Variants in ATP8B2 observed in about 807,000 individuals in gnomAD.
The protein encoded by ATP8B2 is phospholipid-transporting ATPase ID.
A neutral mutation model predicts 133.4 loss-of-function variants in ATP8B2; 70 were observed. The observed-to-expected ratio is 0.52, with a 90% CI of 0.43 to 0.64. The LOEUF (loss-of-function observed/expected upper bound fraction) is 0.64. ATP8B2 is among the 30% of genes least tolerant of loss of function. The pLI is 0.00. For synonymous variants in ATP8B2, 517 were observed against 589.5 expected (o/e 0.88, Z 1.78); for missense variants, 1,101 against 1,535.7 (o/e 0.72, Z 4.73).
At chr1:154,330,663 C>T (rs564127917) in intron 3 of ATP8B2, 152 bp from the exon 4 acceptor site, 8 of 757,382 alleles carry the variant, frequency 1.1e-5, no homozygotes, top group Non-Finnish European at 1.8e-5. Context: ...CCTTGAGACT[C>T]CCTTCTCTCC....
rs542234271 is a variant in ATP8B2, at chr1:154,346,086, G to A, written c.2779-145G>A. ...TTGGGTTGCTGAACTAAGTTAGTCT[G>A]GGGGTAGCTGGCTTGAGGTTGGTTC... On this transcript the variant is annotated intron_variant, in intron 24 of 27. Coordinates refer to ENST00000368489, the MANE Select transcript of ATP8B2 (RefSeq NM_001370597.1). The surrounding 1 kb of genome is among the most constrained non-coding windows in gnomAD (Gnocchi z 4.5). The A allele has an allele frequency of 1.6e-6, 2 of 1,251,274 alleles. No individual in the cohort carries two copies. The highest frequency in any genetic ancestry group is 2.3e-5 in the East Asian group (1 of 42,962). 77.5% of individuals were successfully genotyped at this position (1,251,274 alleles called of 1,614,324 possible).
At position 154,348,497 on chromosome 1, in the gene ATP8B2, C is replaced by T. The variant is rs1570874907; in HGVS notation, c.3253C>T (p.Arg1085Ter). 1.9e-6 allele frequency: 3 copies of T among 1,614,128 alleles called. No homozygotes were observed. Among genetic ancestry groups the T allele is most frequent in the African/African-American group, 1.3e-5 (1 of 75,054 alleles). The change falls in exon 27 of 28, where the codon CGA becomes TGA. Residue 1085 changes from arginine to a stop codon, truncating the protein, a stop_gained. Transcript: ENST00000368489. LOFTEE classifies it high-confidence loss of function. ...CTGCATCATGCCCGTGGTTGCCTTC[C>T]GATTCCTCAGGCTCAACCTGAAGCC... ...VVCIMPVVAFRFLRLNLKPDL... is the reference protein window; with the variant it reads ...VVCIMPVVAF
chr1:154,329,121 C>A (rs1200939771), intron 2 of ATP8B2: 1 of 1,219,518 alleles, frequency 8.2e-7, no homozygotes. Context: ...CCATTATTTC[C>A]CCCCTCCAAT....
Position 154,346,119 on chromosome 1 carries a change from C to T in ATP8B2, c.2779-112C>T. The T allele has an allele frequency of 6.7e-7, 1 of 1,487,140 alleles. No individual in the cohort carries two copies. The highest frequency in any genetic ancestry group is 9.1e-7 in the Non-Finnish European group (1 of 1,093,548). 92.1% of individuals were successfully genotyped at this position (1,487,140 alleles called of 1,614,324 possible). A position where few individuals can be genotyped will look rare whatever the true frequency, so the allele number is the denominator to read the frequency against. ...CTGGCTTGAGGTTGGTTCTAGCTGC[C>T]AAAGACTTTGGAAAGGAGGAGGCAG... On this transcript the variant is annotated intron_variant, in intron 24 of 27. Transcript: ENST00000368489. The surrounding 1 kb of genome is among the most constrained non-coding windows in gnomAD (Gnocchi z 4.5).
rs146738009 is a variant in ATP8B2 at position 154,344,759 on chromosome 1, G to T, written c.2260G>T (p.Ala754Ser). The change falls in exon 21 of 28, where the codon GCC becomes TCC. Residue 754 changes from alanine to serine, a missense_variant. By Grantham distance (99) the Ala-to-Ser change is moderately conservative. Coordinates refer to ENST00000368489, the MANE Select transcript of ATP8B2 (RefSeq NM_001370597.1). This position sits in a 1 kb window ranked among gnomAD's most constrained non-coding sequence, Gnocchi z 4.1. ...SVLEAVAGEY[A>S]LVINGHSLAH... Reference sequence around the variant, plus strand: ...CCTGGAGGCCGTTGCTGGGGAGTACGCCCTGGTCATAAATGGTCACAGCCT... The same window carrying T: ...CCTGGAGGCCGTTGCTGGGGAGTACTCCCTGGTCATAAATGGTCACAGCCT... 6 of 1,604,624 alleles carry T rather than the reference G, an allele frequency of 3.7e-6. No individual in the cohort carries two copies. In the East Asian group the frequency reaches 1.3e-4, roughly 36 times the overall value.
intron 11 of ATP8B2, 79 bp from the exon 12 acceptor site, chr1:154,337,269 G>T: frequency 2.0e-6 from 3 of 1,507,230 alleles, no homozygotes; most frequent in Non-Finnish European, 2.7e-6. Context: ...GGGCTCAAGG[G>T]ATGAATACAT....
intron 11 of ATP8B2, among the ~76,000 whole-genome samples, chr1:154,335,850 C>T (rs946638295): frequency 6.6e-6 from 1 of 151,878 alleles, no homozygotes; most frequent in South Asian, 2.1e-4. Flanking sequence ...CCATCCTGAC[C>T]AACATGGTGA....
In ATP8B2 at chr1:154,343,569, G is replaced by A. The variant is rs1343568941; in HGVS notation, c.1758+1G>A. On this transcript the variant is annotated splice_donor_variant, in intron 17 of 27. Transcript: ENST00000368489. LOFTEE classifies it high-confidence loss of function. The surrounding 1 kb of genome is among the most constrained non-coding windows in gnomAD (Gnocchi z 5.8). ...CAACACCACCATGGACCACCTTAAT[G>A]TGGGTGTGAGGAGAGGAGGGGCCAG... 6.2e-7 allele frequency: 1 copy of A among 1,613,884 alleles called. No homozygotes were observed. Among genetic ancestry groups the A allele is most frequent in the Admixed American group, 1.7e-5 (1 of 60,020 alleles).
chr1:154,340,802 G>T lies in ATP8B2; in HGVS notation c.1035-52G>T, dbSNP rs1418837183. ...CCTGCAGCGAAGGCCCATGTGGGTG[G>T]GGCACCTCCTCTTCTTCCCGACCCA... On this transcript the variant is annotated intron_variant, in intron 12 of 27. Transcript: ENST00000368489. This position sits in a 1 kb window ranked among gnomAD's most constrained non-coding sequence, Gnocchi z 4.0. 2.6e-6 allele frequency: 4 copies of T among 1,567,238 alleles called. No homozygotes were observed. The highest frequency in any genetic ancestry group is 1.1e-5 in the South Asian group (1 of 89,812).
rs906193587 is a variant in ATP8B2, at chr1:154,345,693, C to A, written c.2695-107C>A. 6.0e-6 allele frequency: 8 copies of A among 1,340,794 alleles called. No homozygotes were observed. The highest frequency in any genetic ancestry group is 8.5e-6 in the Non-Finnish European group (8 of 945,318). The allele number at this position is 1,340,794 out of a possible 1,614,324, so 83.1% of individuals were successfully genotyped here. A position where few individuals can be genotyped will look rare whatever the true frequency, so the allele number is the denominator to read the frequency against. Reference sequence around the variant, plus strand: ...CTTATTAAAGGAGGAGAGAAGGAGCCTCAGAAAATTTCTTAGGGTTCTCTG... The same window carrying A: ...CTTATTAAAGGAGGAGAGAAGGAGCATCAGAAAATTTCTTAGGGTTCTCTG... On this transcript the variant is annotated intron_variant, in intron 23 of 27. Transcript: ENST00000368489. The surrounding 1 kb of genome is among the most constrained non-coding windows in gnomAD (Gnocchi z 5.6).
At position 154,348,405 on chromosome 1, in the gene ATP8B2, C is replaced by T. The variant is rs1229198601; in HGVS notation, c.3164-3C>T. 1 of 1,598,172 alleles carries T rather than the reference C, an allele frequency of 6.3e-7. No individual in the cohort carries two copies. The highest frequency in any genetic ancestry group is 8.6e-7 in the Non-Finnish European group (1 of 1,167,442). On this transcript the variant is annotated splice_region_variant and splice_polypyrimidine_tract_variant and intron_variant, in intron 26 of 27. Coordinates refer to ENST00000368489, the MANE Select transcript of ATP8B2 (RefSeq NM_001370597.1). ...AAGGCCACTGACTCCTCTTCATCCC[C>T]AGGGAATGCCCAGAACACCTTGGCC...
Position 154,348,435 on chromosome 1 carries a change from C to T in ATP8B2, c.3191C>T (p.Pro1064Leu), listed in dbSNP as rs751173973. The T allele has an allele frequency of 8.1e-6, 13 of 1,611,806 alleles. No individual in the cohort carries two copies. The highest frequency in any genetic ancestry group is 1.3e-5 in the African/African-American group (1 of 74,884). ...AATGCCCAGAACACCTTGGCCCAGC[C>T]CACGGTGTGGCTGACCATTGTGCTC... ...VGNAQNTLAQ[P>L]TVWLTIVLTT... is the part of the protein sequence containing the mutation. The change falls in exon 27 of 28, where the codon CCC (proline) becomes CTC (leucine). Residue 1064 changes from proline (P) to leucine (L), a missense_variant. Pro to Leu is a moderately conservative substitution (Grantham distance 98). Transcript: ENST00000368489.
intron 2 of ATP8B2, chr1:154,329,209 G>A (rs1264912595): frequency 1.2e-6 from 1 of 859,906 alleles, no homozygotes; most frequent in East Asian, 8.0e-5. Flanking sequence ...GGCTCCGAAG[G>A]ATCCAGTCCC....
chr1:154,327,957 C>A (rs1685848694), intron 1 of ATP8B2, 148 bp from the exon 2 acceptor site: 25 of 1,528,536 alleles, frequency 1.6e-5, no homozygotes, highest in Non-Finnish European at 2.3e-5. Context: ...AGGAACCCAT[C>A]ATGGCAGTAA....
Position 154,331,955 on chromosome 1 carries a change from C to T in ATP8B2, c.440C>T (p.Ala147Val), listed in dbSNP as rs1447213490. 3.1e-6 allele frequency: 5 copies of T among 1,613,572 alleles called. No homozygotes were observed. Among genetic ancestry groups the T allele is most frequent in the South Asian group, 1.1e-5 (1 of 91,084 alleles). ...IKLENNQFVA[A>V]DLLLLSSSEP... ...CTTCTCATTAGTTTTTCTCTCTAGG[C>T]GGATCTCCTCCTCCTTTCCAGCAGT... The change falls in exon 8 of 28, where the codon GCG becomes GTG. Residue 147 changes from alanine (A) to valine (V), a missense_variant and splice_region_variant. Coordinates refer to ENST00000368489, the MANE Select transcript of ATP8B2 (RefSeq NM_001370597.1). This position sits in a 1 kb window ranked among gnomAD's most constrained non-coding sequence, Gnocchi z 4.8.
chr1:154,342,479 G>A lies in ATP8B2; in HGVS notation c.1244-1G>A. 6.2e-7 allele frequency: 1 copy of A among 1,613,822 alleles called. No homozygotes were observed. Among genetic ancestry groups the A allele is most frequent in the Non-Finnish European group, 8.5e-7 (1 of 1,179,770 alleles). On this transcript the variant is annotated splice_acceptor_variant, in intron 13 of 27. Transcript: ENST00000368489. LOFTEE classifies it high-confidence loss of function. ...TCTTTTTCTGCCCTGGCTGTATGTAGGTGATGTGTTTGACGTCCTGGGACA... is the reference window on the plus strand; with the variant it reads ...TCTTTTTCTGCCCTGGCTGTATGTAAGTGATGTGTTTGACGTCCTGGGACA...
At position 154,344,048 on chromosome 1, in the gene ATP8B2, C is replaced by A. The variant is rs1686494799; in HGVS notation, c.1914C>A (p.Asn638Lys). The A allele has an allele frequency of 3.1e-6, 5 of 1,613,958 alleles. No individual in the cohort carries two copies. Among genetic ancestry groups the A allele is most frequent in the Non-Finnish European group, 4.2e-6 (5 of 1,179,862 alleles). ...CTAGCATCTATGAGGAGGTTGAGAA[C>A]AACATGATGGTACGGGCTGCGGGAC... Reference protein sequence around the residue: ...RLASIYEEVENNMMLLGATAI... With the variant: ...RLASIYEEVEKNMMLLGATAI... The change falls in exon 18 of 28, where the codon AAC becomes AAA. Residue 638 changes from asparagine to lysine, a missense_variant. Physicochemically the swap from Asn to Lys is moderately conservative, Grantham distance 94. Coordinates refer to ENST00000368489, the MANE Select transcript of ATP8B2 (RefSeq NM_001370597.1). This position sits in a 1 kb window ranked among gnomAD's most constrained non-coding sequence, Gnocchi z 4.1.
In ATP8B2 at chr1:154,340,662, G is replaced by T. The variant is rs117907856; in HGVS notation, c.1035-192G>T. The T allele has an allele frequency of 7.9e-5, 49 of 617,444 alleles. No homozygotes were observed. The highest frequency in any genetic ancestry group is 6.9e-4 in the African/African-American group (37 of 54,012). The allele number at this position is 617,444 out of a possible 1,614,324, so 38.2% of individuals were successfully genotyped here. ...AGCATCAGGAGGGTCGGGTCGGGGC[G>T]TTCCTCTGCTGGCTGTGTGCAGCCG... On this transcript the variant is annotated intron_variant, in intron 12 of 27. Transcript: ENST00000368489. The surrounding 1 kb of genome is among the most constrained non-coding windows in gnomAD (Gnocchi z 4.0).
chr1:154,346,281 C>G lies in ATP8B2; in HGVS notation c.2829C>G (p.Gly943=), dbSNP rs1166137571. 4 of 1,614,176 alleles carry G rather than the reference C, an allele frequency of 2.5e-6. No homozygotes were observed. In the South Asian group the frequency reaches 4.4e-5, roughly 18 times the overall value. Residue 943 remains glycine (G), a synonymous_variant, in exon 25 of 28, where the codon GGC becomes GGG. Coordinates refer to ENST00000368489, the MANE Select transcript of ATP8B2 (RefSeq NM_001370597.1). The surrounding 1 kb of genome is among the most constrained non-coding windows in gnomAD (Gnocchi z 4.5). ...AGTACCCTAAGCTGTATGAGCCGGG[C>G]CAGCTGAACCTTCTCTTCAACAAGC... ...SMEYPKLYEP[G]QLNLLFNKRE...
Sources: allele counts gnomAD v4.1 joint callset (sites outside exome capture counted in the v4.1 genomes callset), GRCh38; gene constraint gnomAD v4.1.1; non-coding constraint Gnocchi (gnomAD v3.1); transcripts MANE v1.5; gene names NCBI Gene and HGNC (gene_info 2026-07-23, HGNC 2026-07-21).